STIM1: variants seen among roughly 807,000 people sequenced by gnomAD.
The protein encoded by STIM1 is stromal interaction molecule 1.
A neutral mutation model predicts 74.7 loss-of-function variants in STIM1; 25 were observed. That is an observed-to-expected ratio of 0.33 (90% CI 0.24 to 0.47). The LOEUF is 0.47. STIM1 is among the 20% of genes least tolerant of loss of function. The pLI, the probability that STIM1 is intolerant of heterozygous loss-of-function variation, is 1.00. For synonymous variants in STIM1, 328 were observed against 348.8 expected, an observed-to-expected ratio of 0.94 and a Z score of 0.66; for missense variants, 728 against 920.8, an observed-to-expected ratio of 0.79 and a Z score of 2.71.
At chr11:3,920,065 A>G (rs1025464466) in intron 1 of STIM1, among the ~76,000 whole-genome samples, 3 of 152,100 alleles carry the variant, frequency 2.0e-5, no homozygotes, top group Non-Finnish European at 4.4e-5. Context: ...GTAGCAGAGC[A>G]AGACCCCTGT....
intron 2 of STIM1, among the ~76,000 whole-genome samples, chr11:3,979,551 T>C (rs368387061): frequency 3.3e-5 from 5 of 152,324 alleles, no homozygotes; most frequent in South Asian, 4.2e-4. Flanking sequence ...ACTCAAATGA[T>C]CCTTCTACCT....
intron 1 of STIM1, among the ~76,000 whole-genome samples, chr11:3,940,874 A>G (rs1433976853): frequency 1.3e-5 from 2 of 152,210 alleles, no homozygotes; most frequent in African/African-American, 4.8e-5. Flanking sequence ...AAGTGTTTTT[A>G]TGCCATATGC....
intron 2 of STIM1, among the ~76,000 whole-genome samples, chr11:4,018,458 CAAAAAAAAAA>C (rs1157096857): frequency 9.7e-5 from 2 of 20,536 alleles, no homozygotes; most frequent in Non-Finnish European, 2.7e-4. Context: ...GACTCCGTCT[CAAAAAAAAAA>C]AAAAAAAAAA....
intron 3 of STIM1, among the ~76,000 whole-genome samples, chr11:4,033,339 G>C (rs866081020): frequency 6.6e-6 from 1 of 152,040 alleles, no homozygotes; most frequent in Admixed American, 6.6e-5. Flanking sequence ...TTGGCGATGC[G>C]GGCTCTTTTT....
At chr11:3,882,817 A>G (rs1349719316) in intron 1 of STIM1, among the ~76,000 whole-genome samples, 1 of 151,958 alleles carries the variant, frequency 6.6e-6, no homozygotes, top group African/African-American at 2.4e-5. Context: ...AAAGTTTGTT[A>G]TTTTTTTTAT....
At chr11:3,934,480 T>A (rs1169934356) in intron 1 of STIM1, among the ~76,000 whole-genome samples, 1 of 152,218 alleles carries the variant, frequency 6.6e-6, no homozygotes, top group African/African-American at 2.4e-5. Context: ...CAGCCTTTTA[T>A]ATAGTCTTAT....
chr11:3,922,289 G>C (rs1419528063), intron 1 of STIM1, among the ~76,000 whole-genome samples: 2 of 151,940 alleles, frequency 1.3e-5, no homozygotes, highest in Non-Finnish European at 2.9e-5. Context: ...AGCATCTTTT[G>C]ACATATGTAT....
intron 1 of STIM1, among the ~76,000 whole-genome samples, chr11:3,958,930 G>A (rs1181467121): frequency 1.4e-5 from 2 of 147,176 alleles, no homozygotes; most frequent in East Asian, 2.0e-4. Context: ...GGGCCTGGGC[G>A]ACAAGAGCAA....
intron 1 of STIM1, among the ~76,000 whole-genome samples, chr11:3,860,652 C>A (rs1025313738): frequency 1.3e-5 from 2 of 152,146 alleles, no homozygotes; most frequent in Non-Finnish European, 2.9e-5. Context: ...GAGATAGAAA[C>A]ATCAGTTAGT....
At chr11:3,968,868 A>G (rs1403600025) in intron 2 of STIM1, among the ~76,000 whole-genome samples, 1 of 152,216 alleles carries the variant, frequency 6.6e-6, no homozygotes, top group Non-Finnish European at 1.5e-5. Context: ...CTTTTTGCAT[A>G]GTTACTCTTT....
rs2091925397 is a variant in STIM1, at chr11:3,892,494, C to T, written c.139+36085C>T. The T allele has an allele frequency of 3.2e-6, 5 of 1,558,550 alleles. No individual in the cohort carries two copies. The African/African-American group carries it at 4.1e-5, about 13-fold the overall frequency. On this transcript the variant is annotated intron_variant, in intron 1 of 12. Transcript: ENST00000526596. ...TCCACAATATTCATGCCTTCTTTCG[C>T]CTTGCCAAAGACCACATGCTTGCCA...
intron 2 of STIM1, among the ~76,000 whole-genome samples, chr11:3,994,840 T>C (rs1471048737): frequency 6.6e-6 from 1 of 152,176 alleles, no homozygotes; most frequent in Non-Finnish European, 1.5e-5. Flanking sequence ...CATTCCTTTT[T>C]CTCTATGTTT....
At chr11:4,086,980 C>T (rs2094497749) in intron 12 of STIM1, 1 of 1,353,724 alleles carries the variant, frequency 7.4e-7, no homozygotes, top group Admixed American at 2.8e-5. Context: ...GGGGAATCTT[C>T]TTATCCTGTT....
intron 3 of STIM1, among the ~76,000 whole-genome samples, chr11:4,026,052 G>A (rs2093995688): frequency 6.6e-6 from 1 of 152,088 alleles, no homozygotes; most frequent in Non-Finnish European, 1.5e-5. Context: ...TCAGAAAAAG[G>A]CCCCTAATCT....
At chr11:3,910,901 G>A (rs780787376) in intron 1 of STIM1, among the ~76,000 whole-genome samples, 10 of 152,026 alleles carry the variant, frequency 6.6e-5, no homozygotes, top group Admixed American at 3.3e-4. Context: ...CAGGAGAATC[G>A]CTTGAATCCA....
chr11:3,861,383 GC>G (rs1166217373), intron 1 of STIM1, among the ~76,000 whole-genome samples: 2 of 151,916 alleles, frequency 1.3e-5, no homozygotes, highest in Admixed American at 1.3e-4. Context: ...ACAGGCATCC[GC>G]CACCACGCCT....
chr11:3,979,741 A>G (rs968503252), intron 2 of STIM1, among the ~76,000 whole-genome samples: 4 of 152,082 alleles, frequency 2.6e-5, no homozygotes, highest in African/African-American at 9.7e-5. Context: ...CACCTTGGCT[A>G]CCTTTGTTAA....
chr11:4,003,946 A>G (rs2135925074), intron 2 of STIM1, among the ~76,000 whole-genome samples: 1 of 152,332 alleles, frequency 6.6e-6, no homozygotes, highest in African/African-American at 2.4e-5. Context: ...TACACCAATA[A>G]CAGACAAACA....
At chr11:4,057,493 T>G (rs1377730879) in intron 4 of STIM1, among the ~76,000 whole-genome samples, 4 of 152,166 alleles carry the variant, frequency 2.6e-5, no homozygotes, top group Admixed American at 2.6e-4. Context: ...CTAGCAGATT[T>G]GAGTTCATTC....
Sources: gnomAD v4.1 joint callset for allele counts (sites outside exome capture counted in the v4.1 genomes callset) on GRCh38, gnomAD v4.1.1 for gene constraint, MANE v1.5 for transcripts, NCBI Gene and HGNC (gene_info 2026-07-23, HGNC 2026-07-21) for gene names.